The following KCNJ15 variants were observed in gnomAD, a reference collection of about 807,000 sequenced individuals.
KCNJ15 encodes potassium inwardly rectifying channel subfamily J member 15.
Under a neutral mutation model 23.0 loss-of-function variants are expected in KCNJ15, and 14 were observed. The observed-to-expected ratio is 0.61, with a 90% CI of 0.40 to 0.95. The LOEUF is 0.95. Ranked by LOEUF, KCNJ15 falls within the 40% of genes least tolerant of loss-of-function variation. The pLI, the probability that KCNJ15 is intolerant of heterozygous loss-of-function variation, is 0.00. For missense variants in KCNJ15, 388 were observed against 461.8 expected (o/e 0.84, Z 1.46); for synonymous variants, 185 against 183.2 (o/e 1.01, Z -0.08).
At chr21:38,252,300 C>T (rs771139825), upstream of KCNJ15, among the ~76,000 whole-genome samples, 2 of 152,202 alleles carry the variant, frequency 1.3e-5, no homozygotes, top group Non-Finnish European at 2.9e-5. Flanking sequence ...ATTGTTCCCA[C>T]CTCTGGAAGG....
chr21:38,294,507 C>T (rs1457306694), intron 1 of KCNJ15, among the ~76,000 whole-genome samples: 1 of 152,094 alleles, frequency 6.6e-6, no homozygotes, highest in Non-Finnish European at 1.5e-5. Flanking sequence ...TTCTAAGGGG[C>T]CTTTGCTTTG....
intron 1 of KCNJ15, among the ~76,000 whole-genome samples, chr21:38,233,294 A>G (rs941014025): frequency 6.6e-6 from 1 of 152,136 alleles, no homozygotes; most frequent in African/African-American, 2.4e-5. Flanking sequence ...TGCTAGTGGC[A>G]CGACATATCT....
chr21:38,285,757 A>AG (rs371778220), intron 1 of KCNJ15: 2 of 152,366 alleles, frequency 1.3e-5, no homozygotes, highest in African/African-American at 4.8e-5. Flanking sequence ...CCAGGGCTTA[A>AG]GGGTCTTTTT....
chr21:38,267,721 A>G (rs1343312885), intron 1 of KCNJ15, among the ~76,000 whole-genome samples: 6 of 152,212 alleles, frequency 3.9e-5, no homozygotes, highest in Admixed American at 3.9e-4. Context: ...CCTGAGAGAA[A>G]CTGAGAGATT....
chr21:38,231,782 G>A (rs1481948493), intron 1 of KCNJ15, among the ~76,000 whole-genome samples: 1 of 151,776 alleles, frequency 6.6e-6, no homozygotes, highest in Non-Finnish European at 1.5e-5. Flanking sequence ...TTTTTTGGAT[G>A]TTAGACCAGC....
chr21:38,300,143 C>T lies in KCNJ15; in HGVS notation c.882C>T (p.Cys294=). The T allele has an allele frequency of 6.2e-7, 1 of 1,614,150 alleles. No homozygotes were observed. Among genetic ancestry groups the T allele is most frequent in the Non-Finnish European group, 8.5e-7 (1 of 1,180,030 alleles). The change falls in exon 3 of 3, where the codon TGC becomes TGT. Residue 294 remains cysteine, a synonymous_variant. Coordinates refer to ENST00000398938, the MANE Select transcript of KCNJ15 (RefSeq NM_170736.3). ...NATVESTSAV[C]QSRTSYIPEE... is the part of the protein sequence containing the mutation. ...CTGTGGAATCCACCAGCGCTGTCTG[C>T]CAGAGCCGAACATCTTATATCCCAG...
intron 1 of KCNJ15, among the ~76,000 whole-genome samples, chr21:38,260,838 C>G (rs1024363733): frequency 4.6e-5 from 7 of 152,150 alleles, no homozygotes; most frequent in Admixed American, 4.6e-4. Flanking sequence ...TTCTGTCTCT[C>G]CCACCCTGCA....
At chr21:38,284,718 G>T (rs1321135216) in intron 1 of KCNJ15, among the ~76,000 whole-genome samples, 1 of 152,184 alleles carries the variant, frequency 6.6e-6, no homozygotes, top group African/African-American at 2.4e-5. Flanking sequence ...AAAGCCACAT[G>T]CAGGGGCATG....
intron 1 of KCNJ15, among the ~76,000 whole-genome samples, chr21:38,245,501 A>G (rs1284412089): frequency 6.6e-6 from 1 of 151,998 alleles, no homozygotes; most frequent in Non-Finnish European, 1.5e-5. Flanking sequence ...GAACCTCTTC[A>G]TAAGACTGTA....
chr21:38,289,169 A>G (rs919158533), intron 1 of KCNJ15, among the ~76,000 whole-genome samples: 1 of 143,350 alleles, frequency 7.0e-6, no homozygotes, highest in African/African-American at 2.7e-5. Context: ...TGCACTCTCC[A>G]GCCTCGGCAA....
At chr21:38,242,847 C>T (rs555726334) in intron 1 of KCNJ15, among the ~76,000 whole-genome samples, 44 of 152,244 alleles carry the variant, frequency 2.9e-4, no homozygotes, top group South Asian at 6.2e-4. Context: ...ACAGTAAGCT[C>T]GTCTGGGTAG....
intron 1 of KCNJ15, chr21:38,237,176 T>C (rs1358542382): frequency 6.6e-6 from 1 of 152,224 alleles, no homozygotes; most frequent in Admixed American, 6.5e-5. Context: ...AAAATTTGGT[T>C]CAGATGTTGA....
rs139696295 is a variant in KCNJ15 at position 38,274,552 on chromosome 21, A to G, written c.-117+17367A>G. 2.7e-3 allele frequency among the ~76,000 whole-genome samples: 412 copies of G among 152,340 alleles called. 1 individual carries two copies. Among genetic ancestry groups the G allele is most frequent in the African/African-American group, 9.0e-3 (374 of 41,580 alleles). Reference sequence around the variant, plus strand: ...CTGTTATCTCCCCTGTGTCTAGTATAGTCAAAAATAGTAGGTGATGGGTAA... The same window carrying G: ...CTGTTATCTCCCCTGTGTCTAGTATGGTCAAAAATAGTAGGTGATGGGTAA... On this transcript the variant is annotated intron_variant, in intron 1 of 2. Coordinates refer to ENST00000398938, the MANE Select transcript of KCNJ15 (RefSeq NM_170736.3).
At chr21:38,268,552 A>AT in intron 1 of KCNJ15, among the ~76,000 whole-genome samples, 1 of 121,110 alleles carries the variant, frequency 8.3e-6, no homozygotes, top group Non-Finnish European at 1.6e-5. Flanking sequence ...TAAAATCTGA[A>AT]AAAAAAAAAA....
intron 1 of KCNJ15, among the ~76,000 whole-genome samples, chr21:38,279,628 C>T (rs1322940201): frequency 1.3e-5 from 2 of 152,144 alleles, no homozygotes; most frequent in Non-Finnish European, 2.9e-5. Context: ...TGAGAGGTTA[C>T]TCTCTTGGTT....
upstream of KCNJ15, among the ~76,000 whole-genome samples, chr21:38,253,540 A>G (rs917820077): frequency 2.0e-5 from 3 of 152,236 alleles, no homozygotes; most frequent in Non-Finnish European, 4.4e-5. Context: ...GGAAGTTTTA[A>G]GAACTGTTGT....
At chr21:38,298,494 T>G (rs1404404668) in intron 2 of KCNJ15, among the ~76,000 whole-genome samples, 1 of 152,232 alleles carries the variant, frequency 6.6e-6, no homozygotes, top group Non-Finnish European at 1.5e-5. Flanking sequence ...AGCCTAATTA[T>G]TTGCTTTAAG....
intron 1 of KCNJ15, among the ~76,000 whole-genome samples, chr21:38,293,620 G>T (rs1259379882): frequency 1.3e-5 from 2 of 152,202 alleles, no homozygotes; most frequent in Non-Finnish European, 2.9e-5. Flanking sequence ...CTCAACTGGT[G>T]CTTCCCCTGA....
chr21:38,296,026 T>C (rs1985114515), intron 1 of KCNJ15, among the ~76,000 whole-genome samples: 1 of 152,116 alleles, frequency 6.6e-6, no homozygotes, highest in South Asian at 2.1e-4. Flanking sequence ...AGAAGAAACG[T>C]AGGAAGTATA....
Sources: gnomAD v4.1 joint callset for allele counts (sites outside exome capture counted in the v4.1 genomes callset) on GRCh38, gnomAD v4.1.1 for gene constraint, MANE v1.5 for transcripts, NCBI Gene and HGNC (gene_info 2026-07-23, HGNC 2026-07-21) for gene names.